The following FIGNL1 variants were observed in gnomAD, a reference collection of about 807,000 sequenced individuals.
The protein encoded by FIGNL1 is fidgetin-like protein 1.
FIGNL1 carries 11 observed loss-of-function variants against 28.9 expected under a neutral mutation model. That is an observed-to-expected ratio of 0.38 (90% CI 0.24 to 0.63). FIGNL1 has a LOEUF of 0.63. FIGNL1 is among the 20% of genes least tolerant of loss of function. The pLI is 0.57. For missense variants in FIGNL1, 789 were observed against 810.4 expected (o/e 0.97, Z 0.32); for synonymous variants, 295 against 276.5 (o/e 1.07, Z -0.66).
At chr7:50,447,459 T>C (rs991353676) in intron 3 of FIGNL1, 162 bp from the exon 4 acceptor site, 1 of 525,476 alleles carries the variant, frequency 1.9e-6, no homozygotes, top group African/African-American at 1.9e-5. Flanking sequence ...TCTAGTTAAC[T>C]ATAGATTTCA....
Position 50,444,829 on chromosome 7 carries a change from T to C in FIGNL1, c.*434A>G, listed in dbSNP as rs1820341165. The C allele has an allele frequency of 6.6e-6, 1 of 152,474 alleles. No homozygotes were observed. The highest frequency in any genetic ancestry group is 2.4e-5 in the African/African-American group (1 of 41,458). The allele number at this position is 152,474 out of a possible 1,614,324, so 9.4% of individuals were successfully genotyped here. ...CACTTTAGCTTTGAGATCTTAAATC[T>C]ACTTAAATAACACTAAGCAATACTT... is the stretch of plus-strand genomic sequence containing the variant. On this transcript the variant is annotated 3_prime_UTR_variant, in exon 4 of 4. Coordinates refer to ENST00000433017, the MANE Select transcript of FIGNL1 (RefSeq NM_001287492.4).
In FIGNL1 at chr7:50,446,870, G is replaced by A; in HGVS notation, c.418C>T (p.His140Tyr). ...AGATCAAAGACAGTGGCCTCCTTAT[G>A]GATTACCACTGATGCAAGAGCAGGT... ...LEPALASVVIHKEATVFDLPK... is the reference protein window; with the variant it reads ...LEPALASVVIYKEATVFDLPK... Residue 140 changes from histidine (H) to tyrosine (Y), a missense_variant, in exon 4 of 4, where the codon CAT becomes TAT. Coordinates refer to ENST00000433017, the MANE Select transcript of FIGNL1 (RefSeq NM_001287492.4). 2 of 1,614,108 alleles carry A rather than the reference G, an allele frequency of 1.2e-6. No individual in the cohort carries two copies. Among genetic ancestry groups the A allele is most frequent in the Non-Finnish European group, 1.7e-6 (2 of 1,180,022 alleles).
Position 50,446,797 on chromosome 7 carries a change from G to C in FIGNL1, c.491C>G (p.Pro164Arg). The change falls in exon 4 of 4, where the codon CCT becomes CGT. Residue 164 changes from proline to arginine, a missense_variant. Coordinates refer to ENST00000433017, the MANE Select transcript of FIGNL1 (RefSeq NM_001287492.4). The part of the protein sequence containing the change: ...CGSSQESDSL[P>R]NSAHDRDRTQ... ...CCGGTCTCGATCATGAGCTGAGTTA[G>C]GTAATGAGTCACTCTCTTGAGAACT... 6.2e-7 allele frequency: 1 copy of C among 1,614,060 alleles called. No homozygotes were observed. The highest frequency in any genetic ancestry group is 8.5e-7 in the Non-Finnish European group (1 of 1,180,036).
In FIGNL1 at chr7:50,444,435, G is replaced by T. The variant is rs958007982; in HGVS notation, c.*828C>A. ...GCTGTATAAAACAAAACATCTGGAA[G>T]AATCTATGCTTAAATATTAATAGTG... On this transcript the variant is annotated 3_prime_UTR_variant, in exon 4 of 4. Coordinates refer to ENST00000433017, the MANE Select transcript of FIGNL1 (RefSeq NM_001287492.4). The T allele has an allele frequency of 1.3e-5, 2 of 152,182 alleles. No individual in the cohort carries two copies. The highest frequency in any genetic ancestry group is 2.9e-5 in the Non-Finnish European group (2 of 68,026). The allele number at this position is 152,182 out of a possible 1,614,324, so 9.4% of individuals were successfully genotyped here.
In FIGNL1 at chr7:50,447,152, C is replaced by A; in HGVS notation, c.136G>T (p.Ala46Ser). The A allele has an allele frequency of 3.1e-6, 5 of 1,614,198 alleles. No homozygotes were observed. Among genetic ancestry groups the A allele is most frequent in the Non-Finnish European group, 3.4e-6 (4 of 1,180,044 alleles). The change falls in exon 4 of 4, where the codon GCA becomes TCA. Residue 46 changes from alanine (A) to serine (S), a missense_variant. Ala to Ser is a moderately conservative substitution (Grantham distance 99). Coordinates refer to ENST00000433017, the MANE Select transcript of FIGNL1 (RefSeq NM_001287492.4). Reference sequence around the variant, plus strand: ...CAGACCTGGGAAATCTCAGAGTTTGCCCATGCATACTGAATGCGTAATATC... The same window carrying A: ...CAGACCTGGGAAATCTCAGAGTTTGACCATGCATACTGAATGCGTAATATC... ...AQILRIQYAW[A>S]NSEISQVCAT...
chr7:50,447,450 CTAGT>C (rs1370177028), intron 3 of FIGNL1, 153 bp from the exon 4 acceptor site: 4 of 538,132 alleles, frequency 7.4e-6, no homozygotes, highest in Non-Finnish European at 1.3e-5. Flanking sequence ...AGAGAAATAT[CTAGT>C]TAACTATAGA....
intron 2 of FIGNL1, chr7:50,448,604 C>T (rs925569432): frequency 6.6e-6 from 1 of 152,160 alleles, no homozygotes; most frequent in African/African-American, 2.4e-5. Context: ...ACTTACATAT[C>T]CACAAGAAAA....
Position 50,446,246 on chromosome 7 carries a change from C to G in FIGNL1, c.1042G>C (p.Asp348His), listed in dbSNP as rs1217794329. ...GKFVPPIPKQDGGEQNGGMQC... is the reference protein window; with the variant it reads ...GKFVPPIPKQHGGEQNGGMQC... Reference sequence around the variant, plus strand: ...ATTCCTCCATTCTGCTCTCCCCCATCTTGCTTGGGTATAGGAGGAACAAAC... The same window carrying G: ...ATTCCTCCATTCTGCTCTCCCCCATGTTGCTTGGGTATAGGAGGAACAAAC... Residue 348 changes from aspartate (D) to histidine (H), a missense_variant, in exon 4 of 4, where the codon GAT becomes CAT. Physicochemically the swap from Asp to His is moderately conservative, Grantham distance 81. Transcript: ENST00000433017. 1.2e-6 allele frequency: 2 copies of G among 1,614,072 alleles called. No homozygotes were observed. The highest frequency in any genetic ancestry group is 8.5e-7 in the Non-Finnish European group (1 of 1,180,050).
chr7:50,447,495 G>A, intron 3 of FIGNL1, 198 bp from the exon 4 acceptor site: 1 of 414,040 alleles, frequency 2.4e-6, no homozygotes, highest in Non-Finnish European at 4.3e-6. Context: ...TCAATATGAA[G>A]TCTTCAAAAT....
chr7:50,447,324 C>T, intron 3 of FIGNL1, 27 bp from the exon 4 acceptor site: 1 of 1,455,188 alleles, frequency 6.9e-7, no homozygotes, highest in South Asian at 1.4e-5. Flanking sequence ...AAATGAAAAT[C>T]AGTATGAAGG....
intron 3 of FIGNL1, among the ~76,000 whole-genome samples, chr7:50,447,741 A>AT (rs1200385125): frequency 1.4e-5 from 2 of 145,466 alleles, no homozygotes; most frequent in Admixed American, 1.3e-4. Context: ...TTATTTTATT[A>AT]TTATTTTTTT....
chr7:50,445,950 A>G lies in FIGNL1; in HGVS notation c.1338T>C (p.Gly446=), dbSNP rs772231266. ...CAATGCACTTGCCAATTAGAGTTTTACCAGTCCCAGGAGGACCAAAGAGCA... is the reference window on the plus strand; with the variant it reads ...CAATGCACTTGCCAATTAGAGTTTTGCCAGTCCCAGGAGGACCAAAGAGCA... ...GILLFGPPGT[G]KTLIGKCIAS... Residue 446 remains glycine (G), a synonymous_variant, in exon 4 of 4, where the codon GGT becomes GGC. Coordinates refer to ENST00000433017, the MANE Select transcript of FIGNL1 (RefSeq NM_001287492.4). The G allele has an allele frequency of 1.2e-5, 19 of 1,614,018 alleles. No homozygotes were observed. Among genetic ancestry groups the G allele is most frequent in the African/African-American group, 5.3e-5 (4 of 74,932 alleles).
chr7:50,446,900 A>C lies in FIGNL1; in HGVS notation c.388T>G (p.Leu130Val). The change falls in exon 4 of 4, where the codon TTG becomes GTG. Residue 130 changes from leucine to valine, a missense_variant. By Grantham distance (32) the Leu-to-Val change is conservative (BLOSUM62 1). Coordinates refer to ENST00000433017, the MANE Select transcript of FIGNL1 (RefSeq NM_001287492.4). ...QAGKKFKDSL[L>V]EPALASVVIH... ...ACCACTGATGCAAGAGCAGGTTCCA[A>C]CAGAGAGTCTTTGAATTTTTTGCCA... The C allele has an allele frequency of 6.2e-7, 1 of 1,614,206 alleles. No individual in the cohort carries two copies. The highest frequency in any genetic ancestry group is 8.5e-7 in the Non-Finnish European group (1 of 1,180,024).
intron 3 of FIGNL1, 106 bp downstream of exon 3, chr7:50,448,075 A>G (rs1228875443): frequency 6.6e-6 from 1 of 152,282 alleles, no homozygotes; most frequent in African/African-American, 2.4e-5. Flanking sequence ...GAGAGGAACC[A>G]TTGGAAGAAT....
Position 50,444,447 on chromosome 7 carries a change from A to G in FIGNL1, c.*816T>C. The G allele has an allele frequency of 6.6e-6, 1 of 152,250 alleles. No individual in the cohort carries two copies. The highest frequency in any genetic ancestry group is 1.5e-5 in the Non-Finnish European group (1 of 68,036). The allele number at this position is 152,250 out of a possible 1,614,324, so 9.4% of individuals were successfully genotyped here. A position where few individuals can be genotyped will look rare whatever the true frequency, so the allele number is the denominator to read the frequency against. ...AAAACATCTGGAAGAATCTATGCTTAAATATTAATAGTGTGTCCCGCAAAG... is the reference window on the plus strand; with the variant it reads ...AAAACATCTGGAAGAATCTATGCTTGAATATTAATAGTGTGTCCCGCAAAG... On this transcript the variant is annotated 3_prime_UTR_variant, in exon 4 of 4. Transcript: ENST00000433017.
At chr7:50,447,350 C>T in intron 3 of FIGNL1, 53 bp from the exon 4 acceptor site, 1 of 1,296,338 alleles carries the variant, frequency 7.7e-7, no homozygotes, top group Non-Finnish European at 1.0e-6. Flanking sequence ...AAAGAAAATA[C>T]TTTAAATGTA....
Position 50,449,411 on chromosome 7 carries a change from TA to T in FIGNL1, c.-414del, listed in dbSNP as rs1413715401. ...TTCTTTATTTTGCCAATGTTCTGAT[TA>T]TTTTAATAATGTCATTATCTGTCTT... is the stretch of plus-strand genomic sequence containing the variant. On this transcript the variant is annotated 5_prime_UTR_variant, in exon 2 of 4. An upstream open reading frame in the 5' UTR loses its in-frame stop. Coordinates refer to ENST00000433017, the MANE Select transcript of FIGNL1 (RefSeq NM_001287492.4). 2 of 152,260 alleles carry T rather than the reference TA, an allele frequency of 1.3e-5. No homozygotes were observed. The highest frequency in any genetic ancestry group is 2.9e-5 in the Non-Finnish European group (2 of 68,042). 9.4% of individuals were successfully genotyped at this position (152,260 alleles called of 1,614,324 possible).
Position 50,445,709 on chromosome 7 carries a change from G to C in FIGNL1, c.1579C>G (p.Gln527Glu), listed in dbSNP as rs753110060. 1 of 1,614,068 alleles carries C rather than the reference G, an allele frequency of 6.2e-7. No homozygotes were observed. Among genetic ancestry groups the C allele is most frequent in the South Asian group, 1.1e-5 (1 of 91,076 alleles). The change falls in exon 4 of 4, where the codon CAA becomes GAA. Residue 527 changes from glutamine (Q) to glutamate (E), a missense_variant. Coordinates refer to ENST00000433017, the MANE Select transcript of FIGNL1 (RefSeq NM_001287492.4). ...GAAGATGTTGTTGCTCCATCTAATTGAACTAAAAATTCTGTTTTTATCCTT... is the reference window on the plus strand; with the variant it reads ...GAAGATGTTGTTGCTCCATCTAATTCAACTAAAAATTCTGTTTTTATCCTT... ...SRRIKTEFLV[Q>E]LDGATTSSED...
Position 50,446,696 on chromosome 7 carries a change from T to C in FIGNL1, c.592A>G (p.Arg198Gly). 6.2e-7 allele frequency: 1 copy of C among 1,614,248 alleles called. No individual in the cohort carries two copies. The highest frequency in any genetic ancestry group is 8.5e-7 in the Non-Finnish European group (1 of 1,180,032). The stretch of plus-strand genomic sequence containing the variant: ...GGTGCTGAGAATGTAGGACAAGTCC[T>C]AGCAGTGTTAGTCACCATAGGTGGC... ...AQPPMVTNTA[R>G]TCPTFSAPVG... Residue 198 changes from arginine (R) to glycine (G), a missense_variant, in exon 4 of 4, where the codon AGG (arginine) becomes GGG (glycine). Arg to Gly is a moderately radical substitution (Grantham distance 125). Coordinates refer to ENST00000433017, the MANE Select transcript of FIGNL1 (RefSeq NM_001287492.4).
Sources: gnomAD v4.1 joint callset for allele counts (sites outside exome capture counted in the v4.1 genomes callset) on GRCh38, gnomAD v4.1.1 for gene constraint, MANE v1.5 for transcripts, NCBI Gene and HGNC (gene_info 2026-07-23, HGNC 2026-07-21) for gene names.